Variants in CD109 observed in about 807,000 individuals in gnomAD.
CD109 encodes CD109 antigen.
Under a neutral mutation model 165.8 loss-of-function variants are expected in CD109, and 149 were observed. The ratio of observed to expected loss-of-function variants is 0.90; its 90% CI spans 0.79 to 1.03. The LOEUF (loss-of-function observed/expected upper bound fraction) is 1.03. Ranked by LOEUF, CD109 falls within the 50% of genes least tolerant of loss-of-function variation. The pLI is 0.00. For missense variants in CD109, 1,712 were observed against 1,677.8 expected (o/e 1.02, Z -0.36); for synonymous variants, 585 against 592.1 (o/e 0.99, Z 0.18).
At chr6:73,807,252 A>T (rs576240035) in intron 25 of CD109, among the ~76,000 whole-genome samples, 180 bp downstream of exon 25, 1 of 152,336 alleles carries the variant, frequency 6.6e-6, no homozygotes, top group South Asian at 2.1e-4. Context: ...AGAATAAAAC[A>T]TTAACCCACT....
chr6:73,808,372 A>T (rs1349651775), intron 26 of CD109, 124 bp downstream of exon 26: 2 of 945,426 alleles, frequency 2.1e-6, no homozygotes, highest in Non-Finnish European at 3.1e-6. Context: ...TAAAACACAT[A>T]ATGAGATCAG....
At chr6:73,743,310 AG>A (rs940881105) in intron 5 of CD109, among the ~76,000 whole-genome samples, 5 of 152,150 alleles carry the variant, frequency 3.3e-5, no homozygotes, top group Admixed American at 3.3e-4. Flanking sequence ...CCATTGTTAG[AG>A]GTGGGGAACA....
At position 73,820,575 on chromosome 6, in the gene CD109, C is replaced by G. The variant is rs751220569; in HGVS notation, c.4162+12C>G. ...TTACTATGAGCCAAGTAAGTATGCT[C>G]TGGAGTTCTTAATACTTTAGAAATT... On this transcript the variant is annotated intron_variant, in intron 32 of 32. Coordinates refer to ENST00000287097, the MANE Select transcript of CD109 (RefSeq NM_133493.5). The G allele has an allele frequency of 2.1e-6, 3 of 1,435,608 alleles. No homozygotes were observed. Among genetic ancestry groups the G allele is most frequent in the Non-Finnish European group, 2.9e-6 (3 of 1,031,976 alleles). 88.9% of individuals were successfully genotyped at this position (1,435,608 alleles called of 1,614,324 possible).
At chr6:73,741,916 T>A (rs1772797722) in intron 5 of CD109, among the ~76,000 whole-genome samples, 1 of 152,174 alleles carries the variant, frequency 6.6e-6, no homozygotes, top group African/African-American at 2.4e-5. Context: ...GGTGATTCAC[T>A]TGCCTTGGGT....
rs1292802168 is a variant in CD109 at position 73,824,582 on chromosome 6, A to G, written c.*949A>G. ...TTGTGGAGAATCAGAGCATCTTGAC[A>G]TGACTGCTGACCTAAAGATCCCTGG... On this transcript the variant is annotated 3_prime_UTR_variant, in exon 33 of 33. Coordinates refer to ENST00000287097, the MANE Select transcript of CD109 (RefSeq NM_133493.5). 6.6e-6 allele frequency: 1 copy of G among 152,140 alleles called. No homozygotes were observed. Among genetic ancestry groups the G allele is most frequent in the Non-Finnish European group, 1.5e-5 (1 of 68,056 alleles). 9.4% of individuals were successfully genotyped at this position (152,140 alleles called of 1,614,324 possible). A position where few individuals can be genotyped will look rare whatever the true frequency, so the allele number is the denominator to read the frequency against.
Position 73,768,047 on chromosome 6 carries a change from C to G in CD109, c.1498-8C>G. ...CAATAAATTAAACCCATCTACTGTTCTTTTCAGGTAGTATCCAGGGGACAG... is the reference window on the plus strand; with the variant it reads ...CAATAAATTAAACCCATCTACTGTTGTTTTCAGGTAGTATCCAGGGGACAG... On this transcript the variant is annotated splice_region_variant and splice_polypyrimidine_tract_variant and intron_variant, in intron 13 of 32. Transcript: ENST00000287097. 6.2e-7 allele frequency: 1 copy of G among 1,610,148 alleles called. No individual in the cohort carries two copies. The highest frequency in any genetic ancestry group is 8.5e-7 in the Non-Finnish European group (1 of 1,177,650).
rs1229551788 is a variant in CD109, at chr6:73,823,671, C to T, written c.*38C>T. 1 of 1,530,984 alleles carries T rather than the reference C, an allele frequency of 6.5e-7. No individual in the cohort carries two copies. Among genetic ancestry groups the T allele is most frequent in the Non-Finnish European group, 8.9e-7 (1 of 1,119,970 alleles). The allele number at this position is 1,530,984 out of a possible 1,614,324, so 94.8% of individuals were successfully genotyped here. ...GGACTCTGTGTAACACTAACATTTC[C>T]AGTAGTCACATGTGATTGTTTTGTT... On this transcript the variant is annotated 3_prime_UTR_variant, in exon 33 of 33. Transcript: ENST00000287097.
intron 5 of CD109, 66 bp from the exon 6 acceptor site, chr6:73,756,577 G>A: frequency 1.9e-6 from 2 of 1,076,656 alleles, no homozygotes; most frequent in African/African-American, 1.7e-5. Context: ...ATGCAAGTAA[G>A]TAAGCAAGCA....
chr6:73,707,900 A>G (rs1354275555), intron 2 of CD109, among the ~76,000 whole-genome samples: 5 of 147,790 alleles, frequency 3.4e-5, no homozygotes, highest in Non-Finnish European at 7.5e-5. Context: ...AATTTAATAA[A>G]TATTAGTTAT....
chr6:73,825,672 GTT>G lies in CD109; in HGVS notation c.*2042_*2043del, dbSNP rs1160703015. On this transcript the variant is annotated 3_prime_UTR_variant, in exon 33 of 33. Coordinates refer to ENST00000287097, the MANE Select transcript of CD109 (RefSeq NM_133493.5). ...ATACTTTTTTGGTGAAGAACTCCAT[GTT>G]TTCAAGTTAAAGGTCACCTCGTAGG... 6.6e-6 allele frequency: 1 copy of G among 152,154 alleles called. No individual in the cohort carries two copies. Among genetic ancestry groups the G allele is most frequent in the African/African-American group, 2.4e-5 (1 of 41,432 alleles). 9.4% of individuals were successfully genotyped at this position (152,154 alleles called of 1,614,324 possible). A position where few individuals can be genotyped will look rare whatever the true frequency, so the allele number is the denominator to read the frequency against.
chr6:73,798,191 T>C (rs989362105), intron 23 of CD109, among the ~76,000 whole-genome samples: 1 of 151,600 alleles, frequency 6.6e-6, no homozygotes, highest in African/African-American at 2.4e-5. Context: ...CTTGGCTCAC[T>C]GCAACCTCCG....
chr6:73,827,446 A>C lies in CD109; in HGVS notation c.*3813A>C, dbSNP rs535733431. 1.3e-5 allele frequency: 2 copies of C among 152,278 alleles called. No individual in the cohort carries two copies. Among genetic ancestry groups the C allele is most frequent in the African/African-American group, 4.8e-5 (2 of 41,572 alleles). The allele number at this position is 152,278 out of a possible 1,614,324, so 9.4% of individuals were successfully genotyped here. ...TAAGGCATAGCACTTTTAAGAAATT[A>C]GAATTTTTCTATCATCTATGCAAAT... On this transcript the variant is annotated 3_prime_UTR_variant, in exon 33 of 33. Transcript: ENST00000287097.
intron 5 of CD109, among the ~76,000 whole-genome samples, chr6:73,739,827 G>A (rs1245031822): frequency 6.6e-6 from 1 of 152,120 alleles, no homozygotes; most frequent in Non-Finnish European, 1.5e-5. Context: ...CAGCCTGGGC[G>A]ACAGAGTGAT....
intron 12 of CD109, 28 bp from the exon 13 acceptor site, chr6:73,766,920 G>A: frequency 1.2e-6 from 2 of 1,611,654 alleles, no homozygotes; most frequent in Non-Finnish European, 1.7e-6. Context: ...CTTTTGATAT[G>A]TACATATTAA....
chr6:73,792,202 T>A (rs1028028760), intron 22 of CD109, among the ~76,000 whole-genome samples: 2 of 152,198 alleles, frequency 1.3e-5, no homozygotes, highest in African/African-American at 4.8e-5. Context: ...TTTTAAAAAA[T>A]TATTTCTCAA....
chr6:73,825,117 G>C lies in CD109; in HGVS notation c.*1484G>C, dbSNP rs773853644. ...TTTTAGTGAATTTTCAGAAATTATA[G>C]TGGAATGGATGCTCATATATTGCTT... On this transcript the variant is annotated 3_prime_UTR_variant, in exon 33 of 33. Transcript: ENST00000287097. 6.6e-6 allele frequency: 1 copy of C among 152,178 alleles called. No individual in the cohort carries two copies. The highest frequency in any genetic ancestry group is 6.5e-5 in the Admixed American group (1 of 15,278). The allele number at this position is 152,178 out of a possible 1,614,324, so 9.4% of individuals were successfully genotyped here.
rs74894233 is a variant in CD109, at chr6:73,743,198, G to C, written c.633+6690G>C. On this transcript the variant is annotated intron_variant, in intron 5 of 32. Coordinates refer to ENST00000287097, the MANE Select transcript of CD109 (RefSeq NM_133493.5). ...GTATATCCTTTACAACAGCTTCTCTGATGCTTCAGATGCACAGCCAGCTTG... is the reference window on the plus strand; with the variant it reads ...GTATATCCTTTACAACAGCTTCTCTCATGCTTCAGATGCACAGCCAGCTTG... Among the ~76,000 whole-genome samples, 948 of 152,324 alleles carry C rather than the reference G, an allele frequency of 6.2e-3. 10 individuals carry two copies. The highest frequency in any genetic ancestry group is 0.022 in the African/African-American group (903 of 41,570).
Position 73,823,610 on chromosome 6 carries a change from T to C in CD109, c.4315T>C (p.Tyr1439His). Residue 1439 changes from tyrosine to histidine, a missense_variant, in exon 33 of 33, where the codon TAC becomes CAC. Transcript: ENST00000287097. ...TTTTATTTTCTGTTTCAAGCTTCTG[T>C]ACTTTATGGAACTTTGGCTGTGATT... ...VIFIFCFKLL[Y>H]FMELWL The C allele has an allele frequency of 6.2e-7, 1 of 1,612,042 alleles. No individual in the cohort carries two copies. Among genetic ancestry groups the C allele is most frequent in the Non-Finnish European group, 8.5e-7 (1 of 1,178,834 alleles).
chr6:73,789,106 A>G (rs4708082), intron 22 of CD109, among the ~76,000 whole-genome samples: 58,590 of 151,992 alleles, frequency 0.39, 11,600 homozygotes, highest in African/African-American at 0.47. Flanking sequence ...AGTCAGAATC[A>G]CTTGGGCTAT....
Sources: allele counts gnomAD v4.1 joint callset (sites outside exome capture counted in the v4.1 genomes callset), GRCh38; gene constraint gnomAD v4.1.1; transcripts MANE v1.5; gene names NCBI Gene and HGNC (gene_info 2026-07-23, HGNC 2026-07-21).